ANO3: variants seen among roughly 807,000 people sequenced by gnomAD.
ANO3 encodes anoctamin 3.
In ANO3, 99 loss-of-function variants were observed where a neutral mutation model predicts 144.8. The observed-to-expected ratio is 0.68, with a 90% CI of 0.58 to 0.81. The LOEUF (loss-of-function observed/expected upper bound fraction) is 0.81. Among genes scored for constraint, ANO3 ranks in the 30% least tolerant of loss-of-function variants. The pLI, the probability that ANO3 is intolerant of heterozygous loss-of-function variation, is 0.00. For synonymous variants in ANO3, 414 were observed against 392.6 expected, an observed-to-expected ratio of 1.05 and a Z score of -0.64; for missense variants, 905 against 1,202.2, an observed-to-expected ratio of 0.75 and a Z score of 3.66.
At chr11:26,591,656 C>T (rs1385004829) in intron 14 of ANO3, among the ~76,000 whole-genome samples, 1 of 152,072 alleles carries the variant, frequency 6.6e-6, no homozygotes, top group Non-Finnish European at 1.5e-5. Flanking sequence ...GGTAGTACAG[C>T]AGCATGGAGG....
At chr11:26,485,944 A>C (rs1036892398) in intron 4 of ANO3, among the ~76,000 whole-genome samples, 4 of 152,248 alleles carry the variant, frequency 2.6e-5, no homozygotes, top group African/African-American at 9.6e-5. Context: ...TAAACTATGC[A>C]TCCAACAGGA....
intron 1 of ANO3, among the ~76,000 whole-genome samples, chr11:26,406,305 A>G (rs991474649): frequency 6.6e-5 from 10 of 151,750 alleles, no homozygotes; most frequent in African/African-American, 2.4e-4. Flanking sequence ...CCCATTCATG[A>G]TACATAGCCC....
intron 4 of ANO3, among the ~76,000 whole-genome samples, chr11:26,484,910 C>T (rs1048670126): frequency 6.6e-6 from 1 of 152,154 alleles, no homozygotes; most frequent in Non-Finnish European, 1.5e-5. Context: ...AATAACTGCC[C>T]TCCTGGGTTT....
intron 1 of ANO3, among the ~76,000 whole-genome samples, chr11:26,267,723 A>T (rs1853345836): frequency 6.6e-6 from 1 of 152,142 alleles, no homozygotes. Flanking sequence ...TAAATTTGCC[A>T]ATTTTCTTGC....
intron 1 of ANO3, among the ~76,000 whole-genome samples, chr11:26,232,510 T>C (rs907987220): frequency 2.6e-5 from 4 of 151,958 alleles, no homozygotes; most frequent in Non-Finnish European, 5.9e-5. Context: ...AGCAGTTTAA[T>C]GGACAAAAGC....
chr11:26,353,212 C>T (rs1418919417), intron 1 of ANO3, among the ~76,000 whole-genome samples: 2 of 152,084 alleles, frequency 1.3e-5, no homozygotes, highest in Non-Finnish European at 2.9e-5. Context: ...ATAGGTGTTC[C>T]TGGACTGTTA....
chr11:26,325,315 T>C (rs556946037), intron 1 of ANO3, among the ~76,000 whole-genome samples: 1 of 152,278 alleles, frequency 6.6e-6, no homozygotes, highest in South Asian at 2.1e-4. Context: ...TTCCAGTGTA[T>C]ATTTGTTAAC....
intron 1 of ANO3, among the ~76,000 whole-genome samples, chr11:26,289,850 G>T (rs181733849): frequency 6.6e-6 from 1 of 150,772 alleles, no homozygotes; most frequent in Non-Finnish European, 1.5e-5. Flanking sequence ...TTTTTGCATC[G>T]ATGTTCATCA....
intron 18 of ANO3, among the ~76,000 whole-genome samples, chr11:26,631,675 A>G (rs1440536160): frequency 1.3e-5 from 2 of 152,182 alleles, no homozygotes; most frequent in East Asian, 3.9e-4. Context: ...AAGCACATAT[A>G]TCAAGAAAAT....
intron 14 of ANO3, among the ~76,000 whole-genome samples, chr11:26,590,886 A>G (rs2132892395): frequency 6.6e-6 from 1 of 152,184 alleles, no homozygotes; most frequent in South Asian, 2.1e-4. Flanking sequence ...GTGCAGCTGC[A>G]AGATTTAGTA....
chr11:26,230,949 G>T (rs1044714842), intron 1 of ANO3, among the ~76,000 whole-genome samples: 2 of 147,020 alleles, frequency 1.4e-5, no homozygotes, highest in East Asian at 4.1e-4. Context: ...CTGGATCTCG[G>T]CTCACTGCAA....
At chr11:26,652,590 T>G (rs554178827) in intron 24 of ANO3, among the ~76,000 whole-genome samples, 6 of 152,322 alleles carry the variant, frequency 3.9e-5, no homozygotes, top group African/African-American at 7.2e-5. Context: ...TTATGTATTT[T>G]GCCTCTATTT....
chr11:26,608,358 A>G (rs1326547255), intron 17 of ANO3, among the ~76,000 whole-genome samples: 2 of 152,128 alleles, frequency 1.3e-5, no homozygotes, highest in East Asian at 1.9e-4. Flanking sequence ...AGCTGATGCC[A>G]GAAGGATTTC....
At chr11:26,599,430 C>G (rs1335831405) in intron 16 of ANO3, 120 bp from the exon 17 acceptor site, 2 of 1,005,286 alleles carry the variant, frequency 2.0e-6, no homozygotes, top group African/African-American at 3.2e-5. Flanking sequence ...ATCTAGATAT[C>G]CTTTCTTGGA....
intron 14 of ANO3, 66 bp downstream of exon 14, chr11:26,559,845 C>CACACACAT: frequency 1.4e-6 from 1 of 707,526 alleles, no homozygotes; most frequent in Non-Finnish European, 2.5e-6. Flanking sequence ...TACACACACA[C>CACACACAT]ACACACACAC....
chr11:26,454,212 G>A (rs1021633265), intron 3 of ANO3, among the ~76,000 whole-genome samples: 1 of 152,018 alleles, frequency 6.6e-6, no homozygotes, highest in Non-Finnish European at 1.5e-5. Context: ...CAGAAGGCAA[G>A]GAATAACTAA....
chr11:26,576,605 C>A (rs1850993441), intron 14 of ANO3, among the ~76,000 whole-genome samples: 1 of 152,192 alleles, frequency 6.6e-6, no homozygotes, highest in Admixed American at 6.5e-5. Flanking sequence ...TCTGATCACA[C>A]TTTGTAAAAC....
chr11:26,565,195 GT>G (rs1423622091), intron 14 of ANO3: 3 of 1,508,314 alleles, frequency 2.0e-6, no homozygotes, highest in Non-Finnish European at 2.7e-6. Context: ...TTTGGAAAGA[GT>G]TTTGAATTAT....
At position 26,297,039 on chromosome 11, in the gene ANO3, C is replaced by T. The variant is rs544133445; in HGVS notation, c.155-12606C>T. Among the ~76,000 whole-genome samples the T allele has an allele frequency of 1.2e-4, 18 of 152,158 alleles. No individual in the cohort carries two copies. The South Asian group carries it at 3.5e-3, about 30-fold the overall frequency. ...GGATAGCTCATTTCATATTGGATAA[C>T]TCTTAAAATTATATTGATCAAAATA... On this transcript the variant is annotated intron_variant, in intron 1 of 27. Transcript: ENST00000672621.
Sources: allele counts gnomAD v4.1 joint callset (sites outside exome capture counted in the v4.1 genomes callset), GRCh38; gene constraint gnomAD v4.1.1; transcripts MANE v1.5; gene names NCBI Gene and HGNC (gene_info 2026-07-23, HGNC 2026-07-21).